The following PLPPR5 variants were observed in gnomAD, a reference collection of about 807,000 sequenced individuals.
The protein encoded by PLPPR5 is phospholipid phosphatase related 5, also known as phospholipid phosphatase-related protein type 5.
In PLPPR5, 16 loss-of-function variants were observed where a neutral mutation model predicts 33.9. That is an observed-to-expected ratio of 0.47 (90% CI 0.32 to 0.72). The LOEUF is 0.72. Among genes scored for constraint, PLPPR5 ranks in the 30% least tolerant of loss-of-function variants. PLPPR5 has a pLI of 0.03. For synonymous variants in PLPPR5, 163 were observed against 150.3 expected, an observed-to-expected ratio of 1.08 and a Z score of -0.62; for missense variants, 301 against 406.7, an observed-to-expected ratio of 0.74 and a Z score of 2.23.
At chr1:98,937,851 T>C (rs1400637531) in intron 3 of PLPPR5, among the ~76,000 whole-genome samples, 2 of 152,158 alleles carry the variant, frequency 1.3e-5, no homozygotes, top group Non-Finnish European at 2.9e-5. Flanking sequence ...AAACAGAACA[T>C]TGATATAAGT....
chr1:98,926,270 G>A (rs1649761205), intron 3 of PLPPR5, among the ~76,000 whole-genome samples: 1 of 152,004 alleles, frequency 6.6e-6, no homozygotes, highest in South Asian at 2.1e-4. Flanking sequence ...AAGCAAACCG[G>A]TGCCCACTAC....
intron 1 of PLPPR5, chr1:98,991,115 A>C (rs981356857): frequency 3.3e-5 from 5 of 152,074 alleles, no homozygotes; most frequent in African/African-American, 4.8e-5. Flanking sequence ...TAATCATCTG[A>C]TTCCAAGACA....
At chr1:98,973,553 A>G (rs929809071) in intron 1 of PLPPR5, among the ~76,000 whole-genome samples, 3 of 152,050 alleles carry the variant, frequency 2.0e-5, no homozygotes, top group African/African-American at 7.2e-5. Context: ...AGGTAGGGCC[A>G]TCATGTAATT....
chr1:98,948,158 A>C (rs763457604), intron 3 of PLPPR5, among the ~76,000 whole-genome samples: 2 of 152,164 alleles, frequency 1.3e-5, no homozygotes, highest in Admixed American at 1.3e-4. Flanking sequence ...TTATACCTCC[A>C]AGTGAGGGCT....
chr1:98,893,610 C>T (rs1648363525), intron 5 of PLPPR5, among the ~76,000 whole-genome samples: 1 of 136,908 alleles, frequency 7.3e-6, no homozygotes, highest in African/African-American at 2.7e-5. Flanking sequence ...CAGAATTCTT[C>T]ACAGCGCCTT....
chr1:98,928,256 G>A (rs1649835897), intron 3 of PLPPR5, among the ~76,000 whole-genome samples: 2 of 151,806 alleles, frequency 1.3e-5, no homozygotes, highest in South Asian at 4.2e-4. Flanking sequence ...GTTAATATAT[G>A]TTTGAAACAA....
chr1:98,960,554 G>T (rs1292621908), intron 1 of PLPPR5, among the ~76,000 whole-genome samples: 1 of 152,166 alleles, frequency 6.6e-6, no homozygotes, highest in African/African-American at 2.4e-5. Context: ...TAATTATGAT[G>T]AATGTATTTA....
intron 3 of PLPPR5, among the ~76,000 whole-genome samples, chr1:98,943,113 C>G (rs1198352576): frequency 6.6e-6 from 1 of 152,098 alleles, no homozygotes; most frequent in African/African-American, 2.4e-5. Flanking sequence ...CCCTTAGGGG[C>G]AAAATAGACG....
chr1:98,920,432 A>G (rs974819939), intron 4 of PLPPR5, among the ~76,000 whole-genome samples: 6 of 145,666 alleles, frequency 4.1e-5, no homozygotes, highest in African/African-American at 1.5e-4. Context: ...AATGTTAACC[A>G]GTTTCAACTG....
chr1:99,005,194 T>A (rs1474737256), upstream of PLPPR5, among the ~76,000 whole-genome samples: 4 of 151,980 alleles, frequency 2.6e-5, no homozygotes, highest in Non-Finnish European at 5.9e-5. Flanking sequence ...GCAGTAGAGA[T>A]GGAGCTTCCA....
rs57581735 is a variant in PLPPR5 at position 98,906,233 on chromosome 1, AGT to A, written c.933+8551_933+8552del. ...ATATATACAGTGTGTGTATATACACAGTGTGTGTGTGTATATATACTAGGTAT... is the reference window on the plus strand; with the variant it reads ...ATATATACAGTGTGTGTATATACACAGTGTGTGTGTATATATACTAGGTAT... On this transcript the variant is annotated intron_variant, in intron 5 of 5. Transcript: ENST00000263177. Among the ~76,000 whole-genome samples the A allele has an allele frequency of 6.6e-3, 996 of 150,978 alleles. 12 individuals are homozygous for A. The highest frequency in any genetic ancestry group is 0.023 in the African/African-American group (956 of 41,158).
rs534488728 is a variant in PLPPR5 at position 98,934,144 on chromosome 1, T to C, written c.622-12086A>G. On this transcript the variant is annotated intron_variant, in intron 3 of 5. Transcript: ENST00000263177. ...CTTCTGGGATAAATGTCCATGGGAA[T>C]GTGGGACAGAGGATAAATTATTTCA... Among the ~76,000 whole-genome samples the C allele has an allele frequency of 6.6e-5, 10 of 152,284 alleles. No homozygotes were observed. The South Asian group carries it at 2.1e-3, about 32-fold the overall frequency.
At chr1:98,966,780 T>C (rs1033176485) in intron 1 of PLPPR5, among the ~76,000 whole-genome samples, 2 of 152,274 alleles carry the variant, frequency 1.3e-5, no homozygotes, top group Admixed American at 1.3e-4. Context: ...GAAGCTGCCA[T>C]CCCACCCACT....
chr1:98,944,156 G>C (rs1650472699), intron 3 of PLPPR5, among the ~76,000 whole-genome samples: 1 of 152,144 alleles, frequency 6.6e-6, no homozygotes, highest in African/African-American at 2.4e-5. Flanking sequence ...ACAATACTCA[G>C]GGCCTAATGA....
intron 3 of PLPPR5, among the ~76,000 whole-genome samples, chr1:98,923,688 A>G (rs899535441): frequency 1.3e-5 from 2 of 152,290 alleles, no homozygotes; most frequent in East Asian, 3.9e-4. Context: ...AACTGTCTCC[A>G]TCTTGGCCTG....
chr1:98,995,347 C>T (rs1224933698), intron 1 of PLPPR5, among the ~76,000 whole-genome samples: 1 of 152,106 alleles, frequency 6.6e-6, no homozygotes, highest in East Asian at 1.9e-4. Flanking sequence ...GATCAAAAAA[C>T]TACCTATGGG....
chr1:98,921,763 G>T, intron 4 of PLPPR5, 119 bp downstream of exon 4: 1 of 766,368 alleles, frequency 1.3e-6, no homozygotes, highest in Non-Finnish European at 2.0e-6. Flanking sequence ...ATACTTAAAT[G>T]AATGATTTGT....
chr1:98,908,202 A>C (rs933715178), intron 5 of PLPPR5, among the ~76,000 whole-genome samples: 31 of 152,304 alleles, frequency 2.0e-4, no homozygotes, highest in African/African-American at 7.2e-4. Flanking sequence ...GGCTGCACAG[A>C]ATTTTAGCTA....
At chr1:98,907,265 G>A (rs191569312) in intron 5 of PLPPR5, among the ~76,000 whole-genome samples, 1 of 143,364 alleles carries the variant, frequency 7.0e-6, no homozygotes, top group East Asian at 2.0e-4. Flanking sequence ...GCAGTGCCAC[G>A]ATCTTGGCTT....
Sources: gnomAD v4.1 joint callset for allele counts (sites outside exome capture counted in the v4.1 genomes callset) on GRCh38, gnomAD v4.1.1 for gene constraint, MANE v1.5 for transcripts, NCBI Gene and HGNC (gene_info 2026-07-23, HGNC 2026-07-21) for gene names.